PSPC1: variants seen among roughly 807,000 people sequenced by gnomAD.
PSPC1 encodes the protein paraspeckle protein 1.
PSPC1 carries 14 observed loss-of-function variants against 51.6 expected under a neutral mutation model. The observed-to-expected ratio is 0.27, with a 90% CI of 0.18 to 0.42. The LOEUF is 0.42. Ranked by LOEUF, PSPC1 falls within the 10% of genes least tolerant of loss-of-function variation. PSPC1 has a pLI of 1.00. For synonymous variants in PSPC1, 193 were observed against 231.9 expected (o/e 0.83, Z 1.53); for missense variants, 406 against 701.1 (o/e 0.58, Z 4.75).
At chr13:19,750,042 T>C (rs1162666028) in intron 4 of PSPC1, among the ~76,000 whole-genome samples, 1 of 152,158 alleles carries the variant, frequency 6.6e-6, no homozygotes, top group Admixed American at 6.5e-5. Context: ...AGAACACACA[T>C]AACAAAAAAA....
intron 7 of PSPC1, chr13:19,677,713 T>C (rs1876823554): frequency 3.3e-5 from 15 of 455,218 alleles, no homozygotes; most frequent in Middle Eastern, 3.3e-4. Flanking sequence ...AATGAGCAGA[T>C]ACGGACTGAC....
chr13:19,688,962 TAA>T (rs67276894), intron 6 of PSPC1, among the ~76,000 whole-genome samples: 1,724 of 54,386 alleles, frequency 0.032, 34 homozygotes, highest in African/African-American at 0.062. Flanking sequence ...GATAAACTCT[TAA>T]AAAAAAAAAA....
intron 1 of PSPC1, among the ~76,000 whole-genome samples, chr13:19,781,190 T>C (rs1889929145): frequency 1.3e-5 from 2 of 151,614 alleles, no homozygotes; most frequent in South Asian, 4.2e-4. Flanking sequence ...ATTTTTGTTT[T>C]GTTTTGAGAC....
downstream of PSPC1, among the ~76,000 whole-genome samples, chr13:19,698,304 A>G (rs1879485955): frequency 6.6e-6 from 1 of 152,000 alleles, no homozygotes. Context: ...ATGAAATAAA[A>G]ATAAAAATTA....
At chr13:19,776,170 C>T (rs1183691976) in intron 1 of PSPC1, among the ~76,000 whole-genome samples, 9 of 152,070 alleles carry the variant, frequency 5.9e-5, no homozygotes, top group African/African-American at 2.2e-4. Flanking sequence ...TCAAAATTCA[C>T]AAACCAGTGG....
intron 2 of PSPC1, among the ~76,000 whole-genome samples, chr13:19,760,131 A>C (rs762561087): frequency 6.6e-6 from 1 of 152,142 alleles, no homozygotes; most frequent in African/African-American, 2.4e-5. Context: ...GACATTTTCT[A>C]AATATATATC....
At chr13:19,739,028 T>C (rs922743860) in intron 5 of PSPC1, among the ~76,000 whole-genome samples, 2 of 152,116 alleles carry the variant, frequency 1.3e-5, no homozygotes, top group Admixed American at 6.6e-5. Context: ...AACCCACAGA[T>C]ACAAAAGACT....
rs192676847 is a variant in PSPC1 at position 19,736,499 on chromosome 13, C to T, written c.1052+5066G>A. Reference sequence around the variant, plus strand: ...CAGATCGAGACCATCCTGGCTAACACAGTGAAACCCCATCTCTACTAAAAA... The same window carrying T: ...CAGATCGAGACCATCCTGGCTAACATAGTGAAACCCCATCTCTACTAAAAA... On this transcript the variant is annotated intron_variant, in intron 5 of 8. Coordinates refer to ENST00000338910, the MANE Select transcript of PSPC1 (RefSeq NM_001354909.2). Among the ~76,000 whole-genome samples the T allele has an allele frequency of 5.0e-3, 760 of 151,832 alleles. 1 individual carries two copies. Among genetic ancestry groups the T allele is most frequent in the African/African-American group, 0.013 (535 of 41,440 alleles).
chr13:19,730,969 A>AAAAAAAC (rs1884022331), intron 5 of PSPC1, among the ~76,000 whole-genome samples: 10 of 146,608 alleles, frequency 6.8e-5, no homozygotes, highest in Non-Finnish European at 1.2e-4. Flanking sequence ...AAAAAACAAA[A>AAAAAAAC]AAAAAAAAAA....
intron 6 of PSPC1, among the ~76,000 whole-genome samples, chr13:19,710,840 T>A (rs1339185812): frequency 1.2e-5 from 1 of 84,806 alleles, no homozygotes; most frequent in Non-Finnish European, 3.0e-5. Context: ...CTAAAAAGCT[T>A]AATTTTTTTT....
At position 19,755,257 on chromosome 13, in the gene PSPC1, GA is replaced by G. The variant is rs556716591; in HGVS notation, c.771-3791del. ...TCTCAAAAAAAAAAAGAAAAGAAAA[GA>G]AAAGAAAGAGAAATAGCATTGCAAA... On this transcript the variant is annotated intron_variant, in intron 3 of 8. Transcript: ENST00000338910. Among the ~76,000 whole-genome samples, 18 of 151,646 alleles carry G rather than the reference GA, an allele frequency of 1.2e-4. No individual in the cohort carries two copies. The South Asian group carries it at 3.7e-3, about 32-fold the overall frequency.
At chr13:19,703,473 G>A in intron 8 of PSPC1, 113 bp from the exon 9 acceptor site, 2 of 1,133,048 alleles carry the variant, frequency 1.8e-6, no homozygotes, top group South Asian at 3.5e-5. Context: ...AAGTTCGGCA[G>A]AAAGTCCAGC....
At chr13:19,718,536 T>C (rs1317116389) in intron 6 of PSPC1, among the ~76,000 whole-genome samples, 1 of 152,154 alleles carries the variant, frequency 6.6e-6, no homozygotes, top group Non-Finnish European at 1.5e-5. Context: ...CTGAAGGGAA[T>C]ACAAACAGGT....
At chr13:19,692,554 G>A (rs919919476) in intron 6 of PSPC1, among the ~76,000 whole-genome samples, 1 of 152,056 alleles carries the variant, frequency 6.6e-6, no homozygotes, top group African/African-American at 2.4e-5. Context: ...TTTACCAGGC[G>A]GATTTTCCAA....
chr13:19,782,322 C>A lies in PSPC1; in HGVS notation c.372+64G>T. ...CGTCCTAGGACGAGGCTGGCCTCAGCCCCACGACCCCGCGGCCACCCCGAC... is the reference window on the plus strand; with the variant it reads ...CGTCCTAGGACGAGGCTGGCCTCAGACCCACGACCCCGCGGCCACCCCGAC... On this transcript the variant is annotated intron_variant, in intron 1 of 8. Transcript: ENST00000338910. The surrounding 1 kb of genome is among the most constrained non-coding windows in gnomAD (Gnocchi z 4.5). 2 of 1,516,290 alleles carry A rather than the reference C, an allele frequency of 1.3e-6. No individual in the cohort carries two copies. The highest frequency in any genetic ancestry group is 1.3e-5 in the South Asian group (1 of 77,622). The allele number at this position is 1,516,290 out of a possible 1,614,324, so 93.9% of individuals were successfully genotyped here. A position where few individuals can be genotyped will look rare whatever the true frequency, so the allele number is the denominator to read the frequency against.
chr13:19,676,547 C>T (rs1204080426), intron 7 of PSPC1, among the ~76,000 whole-genome samples: 1 of 152,170 alleles, frequency 6.6e-6, no homozygotes, highest in Non-Finnish European at 1.5e-5. Context: ...CACACAAATC[C>T]TAGAAAGAAA....
intron 1 of PSPC1, among the ~76,000 whole-genome samples, chr13:19,777,118 T>TAAAAA (rs34432573): frequency 1.1e-5 from 1 of 87,388 alleles, no homozygotes; most frequent in African/African-American, 4.7e-5. Context: ...AGGCTCCATC[T>TAAAAA]AAAAAAAAAA....
intron 6 of PSPC1, among the ~76,000 whole-genome samples, chr13:19,717,572 G>T (rs1882254048): frequency 6.6e-6 from 1 of 151,894 alleles, no homozygotes; most frequent in Non-Finnish European, 1.5e-5. Flanking sequence ...CAGGTGTGGT[G>T]GTGGGCACCT....
intron 5 of PSPC1, among the ~76,000 whole-genome samples, chr13:19,737,420 T>G (rs1353355161): frequency 6.6e-6 from 1 of 152,170 alleles, no homozygotes; most frequent in East Asian, 1.9e-4. Context: ...TGTCCTTGAA[T>G]TTGGGTTTGT....
Sources: gnomAD v4.1 joint callset for allele counts (sites outside exome capture counted in the v4.1 genomes callset) on GRCh38, gnomAD v4.1.1 for gene constraint, Gnocchi (gnomAD v3.1) non-coding constraint, MANE v1.5 for transcripts, NCBI Gene and HGNC (gene_info 2026-07-23, HGNC 2026-07-21) for gene names.